OR52N4: variants seen among roughly 807,000 people sequenced by gnomAD.
The protein encoded by OR52N4 is olfactory receptor family 52 subfamily N member 4, also known as olfactory receptor 52N4.
A neutral mutation model predicts 15.0 loss-of-function variants in OR52N4; 15 were observed. The observed-to-expected ratio is 1.00, with a 90% CI of 0.67 to 1.54. The LOEUF is 1.54. OR52N4 is among the 40% of genes most tolerant of loss of function. The pLI, the probability that OR52N4 is intolerant of heterozygous loss-of-function variation, is 0.00. For missense variants in OR52N4, 421 were observed against 394.0 expected (o/e 1.07, Z -0.58); for synonymous variants, 143 against 143.7 (o/e 1.00, Z 0.03).
the OR52N4 span, among the ~76,000 whole-genome samples, chr11:5,747,514 G>GTGTATATATA: frequency 6.6e-6 from 1 of 151,668 alleles, no homozygotes. Context: ...CACAATGTAT[G>GTGTATATATA]TGTATATATA....
chr11:5,747,686 A>T, the OR52N4 span, among the ~76,000 whole-genome samples: 1 of 152,194 alleles, frequency 6.6e-6, no homozygotes, highest in Non-Finnish European at 1.5e-5. Flanking sequence ...GACAATATTT[A>T]TTCTTCTCAA....
At chr11:5,729,063 G>A in the OR52N4 span, among the ~76,000 whole-genome samples, 751 of 141,316 alleles carry the variant, frequency 5.3e-3, 12 homozygotes, top group African/African-American at 0.019. Flanking sequence ...AACAGACCCC[G>A]GTGTGTGATG....
At chr11:5,736,523 C>CAA in the OR52N4 span, 1 of 1,613,126 alleles carries the variant, frequency 6.2e-7, no homozygotes. Context: ...AATCATGAAT[C>CAA]ATATGTCTGC....
Position 5,754,704 on chromosome 11 carries a change from C to G in OR52N4, c.-37C>G. Reference sequence around the variant, plus strand: ...TTTTTTAACTCTAGGAAAGCCCAGACAAATTTTGAGCTATTTCATAACCTA... The same window carrying G: ...TTTTTTAACTCTAGGAAAGCCCAGAGAAATTTTGAGCTATTTCATAACCTA... On this transcript the variant is annotated 5_prime_UTR_variant, in exon 2 of 2. Transcript: ENST00000641350. 1 of 1,534,028 alleles carries G rather than the reference C, an allele frequency of 6.5e-7. No homozygotes were observed. Among genetic ancestry groups the G allele is most frequent in the Non-Finnish European group, 8.8e-7 (1 of 1,141,976 alleles).
At chr11:5,737,039 C>A in the OR52N4 span, 19 of 1,613,978 alleles carry the variant, frequency 1.2e-5, no homozygotes, top group Middle Eastern at 3.3e-4. Flanking sequence ...TGCAGCACAG[C>A]GTGATTATTG....
chr11:5,744,304 C>G, the OR52N4 span, among the ~76,000 whole-genome samples: 2 of 152,174 alleles, frequency 1.3e-5, no homozygotes, highest in African/African-American at 4.8e-5. Context: ...CATAATCATA[C>G]TGACACTGTT....
At chr11:5,737,043 A>G in the OR52N4 span, 3 of 1,614,104 alleles carry the variant, frequency 1.9e-6, no homozygotes, top group Admixed American at 5.0e-5. Flanking sequence ...GCACAGCGTG[A>G]TTATTGCTCC....
the OR52N4 span, among the ~76,000 whole-genome samples, chr11:5,732,335 T>C: frequency 6.6e-6 from 1 of 152,216 alleles, no homozygotes; most frequent in Admixed American, 6.5e-5. Flanking sequence ...TAAAATGTTA[T>C]GTGCATAAAT....
At chr11:5,733,940 CAT>C in the OR52N4 span, among the ~76,000 whole-genome samples, 7 of 152,180 alleles carry the variant, frequency 4.6e-5, no homozygotes, top group South Asian at 8.3e-4. Flanking sequence ...TAATAGGATA[CAT>C]GTTTTTGAGT....
chr11:5,735,424 A>G, the OR52N4 span, among the ~76,000 whole-genome samples: 1 of 152,092 alleles, frequency 6.6e-6, no homozygotes, highest in South Asian at 2.1e-4. Flanking sequence ...TATTTGAAAG[A>G]AAATGTGAAA....
the OR52N4 span, chr11:5,737,223 G>C: frequency 6.2e-7 from 1 of 1,614,110 alleles, no homozygotes; most frequent in South Asian, 1.1e-5. Context: ...TCTGTACTTA[G>C]ACTGAACTCA....
chr11:5,738,952 A>G, the OR52N4 span, among the ~76,000 whole-genome samples: 1 of 74,008 alleles, frequency 1.4e-5, no homozygotes, highest in Admixed American at 1.2e-4. Flanking sequence ...CAGTTGCTAG[A>G]AAGTCTGTTA....
At chr11:5,730,746 A>G in the OR52N4 span, among the ~76,000 whole-genome samples, 1 of 151,154 alleles carries the variant, frequency 6.6e-6, no homozygotes, top group Admixed American at 6.6e-5. Context: ...GGACCATGAA[A>G]GGAAGAGCTG....
the OR52N4 span, among the ~76,000 whole-genome samples, chr11:5,743,098 T>G: frequency 6.6e-6 from 1 of 152,146 alleles, no homozygotes; most frequent in South Asian, 2.1e-4. Context: ...TTAGCTATAC[T>G]TATATAAGCC....
the OR52N4 span, chr11:5,736,611 G>A: frequency 6.2e-7 from 1 of 1,613,876 alleles, no homozygotes; most frequent in East Asian, 2.2e-5. Flanking sequence ...ATTCACAGCT[G>A]GCAACACTGG....
At chr11:5,740,164 A>G in the OR52N4 span, among the ~76,000 whole-genome samples, 2 of 127,392 alleles carry the variant, frequency 1.6e-5, no homozygotes, top group Admixed American at 7.5e-5. Flanking sequence ...TAGGAGTGAA[A>G]TCATACAATA....
the OR52N4 span, among the ~76,000 whole-genome samples, chr11:5,742,671 C>T: frequency 2.6e-5 from 4 of 152,108 alleles, no homozygotes; most frequent in African/African-American, 7.2e-5. Flanking sequence ...ATAAGTCTTT[C>T]CCAGATAAGC....
Position 5,755,475 on chromosome 11 carries a change from C to T in OR52N4, c.735C>T (p.Ala245=). 6.2e-7 allele frequency: 1 copy of T among 1,614,024 alleles called. No homozygotes were observed. The highest frequency in any genetic ancestry group is 1.1e-5 in the South Asian group (1 of 91,088). ...ARQKAFNTCT[A]HICAIVFSYT... ...AGAAGGCCTTTAATACCTGCACTGC[C>T]CACATTTGTGCCATTGTTTTCTCCT... The change falls in exon 2 of 2, where the codon GCC becomes GCT. Residue 245 remains alanine, a synonymous_variant. Coordinates refer to ENST00000641350, the MANE Select transcript of OR52N4 (RefSeq NM_001005175.5).
At chr11:5,735,010 G>A in the OR52N4 span, among the ~76,000 whole-genome samples, 1 of 151,980 alleles carries the variant, frequency 6.6e-6, no homozygotes, top group African/African-American at 2.4e-5. Context: ...AATACATTTA[G>A]TTTTTAATAA....
Sources: allele counts gnomAD v4.1 joint callset (sites outside exome capture counted in the v4.1 genomes callset), GRCh38; gene constraint gnomAD v4.1.1; transcripts MANE v1.5; gene names NCBI Gene and HGNC (gene_info 2026-07-23, HGNC 2026-07-21).